Variants in CFAP47 observed in about 807,000 individuals in gnomAD.
The protein encoded by CFAP47 is cilia- and flagella-associated protein 47.
Under a neutral mutation model 148.1 loss-of-function variants are expected in CFAP47, and 29 were observed. That is an observed-to-expected ratio of 0.20 (90% CI 0.15 to 0.27). The LOEUF (loss-of-function observed/expected upper bound fraction) is 0.27. Ranked by LOEUF, CFAP47 falls within the 10% of genes least tolerant of loss-of-function variation. CFAP47 has a pLI of 1.00. For synonymous variants in CFAP47, 664 were observed against 577.3 expected (o/e 1.15, Z -2.15); for missense variants, 1,872 against 1,697.5 (o/e 1.10, Z -1.81).
At chrX:36,016,701 CTTTTTTTTT>C (rs1281064323) in intron 22 of CFAP47, among the ~76,000 whole-genome samples, 8 of 54,452 alleles carry the variant, frequency 1.5e-4, no homozygotes, top group African/African-American at 4.8e-4. Context: ...TTATGCCAGT[CTTTTTTTTT>C]TTTTTTTTTT....
chrX:36,283,080 T>A (rs1941097313), intron 50 of CFAP47, among the ~76,000 whole-genome samples: 1 of 111,313 alleles, frequency 9.0e-6, no homozygotes, highest in Admixed American at 9.6e-5. Flanking sequence ...TGTGTCTATG[T>A]CTATATATCC....
intron 61 of CFAP47, among the ~76,000 whole-genome samples, chrX:36,364,943 T>TATATATATATAC (rs1304339120): frequency 1.4e-5 from 1 of 73,595 alleles, no homozygotes; most frequent in Non-Finnish European, 2.8e-5. Context: ...TATATATATA[T>TATATATATATAC]ACACACACAC....
chrX:36,010,230 A>G (rs1042390857), intron 21 of CFAP47, among the ~76,000 whole-genome samples: 2 of 111,472 alleles, frequency 1.8e-5, no homozygotes, highest in African/African-American at 6.5e-5. Context: ...TAGCATTTTC[A>G]GCTTTAGTAT....
chrX:36,240,790 A>G (rs1555995866), intron 48 of CFAP47, among the ~76,000 whole-genome samples: 1 of 112,055 alleles, frequency 8.9e-6, no homozygotes, highest in African/African-American at 3.2e-5. Context: ...ACTTAAAAAC[A>G]GCATCAAAAA....
chrX:36,182,850 C>T (rs1427671041), intron 40 of CFAP47, among the ~76,000 whole-genome samples: 4 of 112,542 alleles, frequency 3.6e-5, no homozygotes, highest in Non-Finnish European at 7.5e-5. Context: ...GGTAATATTG[C>T]ACTTCTCCAC....
At chrX:36,161,532 A>G (rs1183122885) in intron 39 of CFAP47, among the ~76,000 whole-genome samples, 1 of 111,820 alleles carries the variant, frequency 8.9e-6, no homozygotes, top group African/African-American at 3.2e-5. Flanking sequence ...TATTTGTGAT[A>G]AAAAGACAAT....
chrX:36,242,625 A>C (rs1239889078), intron 48 of CFAP47, among the ~76,000 whole-genome samples: 2 of 112,126 alleles, frequency 1.8e-5, no homozygotes, highest in Non-Finnish European at 3.8e-5. Context: ...TCAGACAAAA[A>C]TAAAGTAAAA....
rs1300177062 is a variant in CFAP47 at position 36,226,504 on chromosome X, T to C, written c.6818-2124T>C. 3.6e-5 allele frequency among the ~76,000 whole-genome samples: 4 copies of C among 111,587 alleles called. No individual in the cohort carries two copies. The Admixed American group carries it at 3.8e-4, about 11-fold the overall frequency. ...ATATATCACCCCTACTTATGTTTCT[T>C]ATACAACTTAATAAAATTATTTTGG... On this transcript the variant is annotated intron_variant, in intron 45 of 63. Coordinates refer to ENST00000378653, the MANE Select transcript of CFAP47 (RefSeq NM_001304548.2).
rs758159976 is a variant in CFAP47, at chrX:36,023,574, C to T, written c.3557-7679C>T. Among the ~76,000 whole-genome samples, 4 of 111,636 alleles carry T rather than the reference C, an allele frequency of 3.6e-5. No homozygotes were observed. In the South Asian group the frequency reaches 1.5e-3, roughly 42 times the overall value. On this transcript the variant is annotated intron_variant, in intron 22 of 63. Transcript: ENST00000378653. ...AATTCCCCCAGGCCCCGGGTGGGTCCAGAGGTGTTGTCCTGGAGCCAGGGA... is the reference window on the plus strand; with the variant it reads ...AATTCCCCCAGGCCCCGGGTGGGTCTAGAGGTGTTGTCCTGGAGCCAGGGA...
At chrX:36,323,170 T>G (rs1240702713) in intron 57 of CFAP47, among the ~76,000 whole-genome samples, 2 of 111,463 alleles carry the variant, frequency 1.8e-5, no homozygotes, top group African/African-American at 6.5e-5. Context: ...TACCTAAGTA[T>G]TTTGTAAAAA....
At chrX:36,320,515 A>G (rs60101997) in intron 57 of CFAP47, among the ~76,000 whole-genome samples, 4,617 of 112,021 alleles carry the variant, frequency 0.041, 222 homozygotes, top group African/African-American at 0.14. Context: ...CAATTCAGAA[A>G]AATTAACTTA....
chrX:35,961,889 A>G (rs1936337289), intron 8 of CFAP47, among the ~76,000 whole-genome samples: 1 of 111,130 alleles, frequency 9.0e-6, no homozygotes, highest in African/African-American at 3.3e-5. Context: ...TTCTGTTTTC[A>G]AATTTCCTAA....
chrX:36,181,249 T>G (rs906832213), intron 40 of CFAP47, among the ~76,000 whole-genome samples: 7 of 111,790 alleles, frequency 6.3e-5, no homozygotes, highest in Non-Finnish European at 1.3e-4. Context: ...ATCTCAAATT[T>G]ATCATGTTTT....
chrX:36,279,071 T>C (rs1556003139), intron 49 of CFAP47, among the ~76,000 whole-genome samples: 1 of 112,023 alleles, frequency 8.9e-6, no homozygotes, highest in Non-Finnish European at 1.9e-5. Context: ...TTTTCCAAAT[T>C]AGGCATTTCT....
chrX:36,202,117 A>G (rs1215283825), intron 44 of CFAP47, among the ~76,000 whole-genome samples: 1 of 111,586 alleles, frequency 9.0e-6, no homozygotes, highest in African/African-American at 3.3e-5. Context: ...CATGATATTG[A>G]GGTACTTATT....
intron 49 of CFAP47, among the ~76,000 whole-genome samples, chrX:36,253,963 G>A (rs1940720951): frequency 8.9e-6 from 1 of 111,884 alleles, no homozygotes; most frequent in South Asian, 3.7e-4. Context: ...TGGTTGGTCA[G>A]TATTGGGATA....
intron 50 of CFAP47, among the ~76,000 whole-genome samples, chrX:36,280,875 A>G (rs183213133): frequency 3.6e-5 from 4 of 112,105 alleles, no homozygotes; most frequent in Admixed American, 1.9e-4. Context: ...ATAATTGAAA[A>G]GCTTTACATA....
At chrX:36,264,137 G>T (rs1430756864) in intron 49 of CFAP47, among the ~76,000 whole-genome samples, 2 of 111,593 alleles carry the variant, frequency 1.8e-5, no homozygotes, top group African/African-American at 6.5e-5. Context: ...TATCCAAAAT[G>T]CAAGACAAAG....
intron 21 of CFAP47, among the ~76,000 whole-genome samples, chrX:36,004,649 T>C (rs928979102): frequency 9.1e-6 from 1 of 109,401 alleles, no homozygotes; most frequent in African/African-American, 3.3e-5. Context: ...TGAATGCAAC[T>C]AGATAAAAGA....
Sources: gnomAD v4.1 joint callset for allele counts (sites outside exome capture counted in the v4.1 genomes callset) on GRCh38, gnomAD v4.1.1 for gene constraint, MANE v1.5 for transcripts, NCBI Gene and HGNC (gene_info 2026-07-23, HGNC 2026-07-21) for gene names.